The following PKNOX1 variants were observed in gnomAD, a reference collection of about 807,000 sequenced individuals.
PKNOX1 encodes PBX/knotted 1 homeobox 1, also known as homeobox protein PKNOX1.
Under a neutral mutation model 51.9 loss-of-function variants are expected in PKNOX1, and 15 were observed. The ratio of observed to expected loss-of-function variants is 0.29; its 90% CI spans 0.19 to 0.45. The LOEUF (loss-of-function observed/expected upper bound fraction) is 0.45, where lower values mean the gene tolerates loss of function less well. Among genes scored for constraint, PKNOX1 ranks in the 20% least tolerant of loss-of-function variants. The probability of loss-of-function intolerance (pLI) is 1.00; values close to 1 mark genes in which losing one functional copy is unlikely to be tolerated. For synonymous variants in PKNOX1, 219 were observed against 211.1 expected, an observed-to-expected ratio of 1.04 and a Z score of -0.32; for missense variants, 462 against 547.5, an observed-to-expected ratio of 0.84 and a Z score of 1.56.
Position 43,010,148 on chromosome 21 carries a change from A to G in PKNOX1, c.275A>G (p.Asp92Gly). The G allele has an allele frequency of 6.2e-7, 1 of 1,606,726 alleles. No individual in the cohort carries two copies. Among genetic ancestry groups the G allele is most frequent in the South Asian group, 1.1e-5 (1 of 89,578 alleles). The change falls in exon 4 of 11, where the codon GAC becomes GGC. Residue 92 changes from aspartate to glycine, a missense_variant. By Grantham distance (94) the Asp-to-Gly change is moderately conservative. Transcript: ENST00000291547. ...ACAACTTCTGCCAGTTTTGATGTAG[A>G]CATCGAAAATTTTGTAAGAAAGCAA... ...EGTTSASFDV[D>G]IENFVRKQEK...
intron 1 of PKNOX1, among the ~76,000 whole-genome samples, chr21:42,998,052 C>T (rs1378679219): frequency 6.6e-6 from 1 of 152,126 alleles, no homozygotes; most frequent in African/African-American, 2.4e-5. Context: ...TGTCCATTTT[C>T]ACACTGCTGA....
chr21:43,010,029 T>C (rs17178939), intron 3 of PKNOX1, 24 bp from the exon 4 acceptor site: 64,541 of 1,481,908 alleles, frequency 0.044, 1,627 homozygotes, highest in Middle Eastern at 0.08. Flanking sequence ...CGTAAATGGA[T>C]TCTTTTTTTT....
intron 1 of PKNOX1, among the ~76,000 whole-genome samples, chr21:42,974,898 C>T (rs921069608): frequency 5.4e-5 from 8 of 146,944 alleles, no homozygotes; most frequent in African/African-American, 2.0e-4. Context: ...CGCCTTCAGC[C>T]CAACCGGCGC....
chr21:43,012,496 G>T (rs967284182), intron 4 of PKNOX1, among the ~76,000 whole-genome samples: 9 of 152,378 alleles, frequency 5.9e-5, no homozygotes, highest in East Asian at 1.9e-4. Flanking sequence ...GAAGGCAGAG[G>T]TTGTAGTGAG....
chr21:43,016,872 T>C (rs200980657), intron 5 of PKNOX1, 36 bp from the exon 6 acceptor site: 88 of 1,382,766 alleles, frequency 6.4e-5, no homozygotes, highest in Non-Finnish European at 8.1e-5. Context: ...TTCCGTTTTC[T>C]AGTAATTCCT....
intron 1 of PKNOX1, among the ~76,000 whole-genome samples, chr21:42,991,259 G>A (rs1341569948): frequency 1.3e-5 from 2 of 151,826 alleles, no homozygotes; most frequent in Admixed American, 1.3e-4. Flanking sequence ...GGCCAAGGTG[G>A]GAGGATCGCT....
chr21:42,995,142 G>A (rs1231716793), intron 1 of PKNOX1, among the ~76,000 whole-genome samples: 3 of 151,718 alleles, frequency 2.0e-5, no homozygotes, highest in East Asian at 1.9e-4. Flanking sequence ...GGCTGGTCTC[G>A]AACTCCTGAC....
rs376109071 is a variant in PKNOX1 at position 43,028,883 on chromosome 21, G to A, written c.1099+9G>A. ...GCTCACCATGTCGGAAGGTACAGGT[G>A]GCCGGCCAAGGCCAGACATGGTGGA... On this transcript the variant is annotated intron_variant, in intron 10 of 10. Transcript: ENST00000291547. The A allele has an allele frequency of 1.9e-5, 31 of 1,613,920 alleles. No homozygotes were observed. Among genetic ancestry groups the A allele is most frequent in the Middle Eastern group, 3.3e-4 (2 of 6,062 alleles).
intron 8 of PKNOX1, among the ~76,000 whole-genome samples, chr21:43,023,047 C>T (rs1979831813): frequency 1.3e-5 from 2 of 152,026 alleles, no homozygotes; most frequent in Non-Finnish European, 2.9e-5. Flanking sequence ...GAAGACGCCG[C>T]GTTTTTTCCT....
At chr21:43,029,013 A>G in intron 10 of PKNOX1, 139 bp downstream of exon 10, 1 of 802,270 alleles carries the variant, frequency 1.2e-6, no homozygotes, top group Non-Finnish European at 2.1e-6. Flanking sequence ...CTCTGCAACT[A>G]AAACATGAGG....
In PKNOX1 at chr21:43,018,238, C is replaced by G; in HGVS notation, c.720+8C>G. ...AGGATCCAGAACTCCCAGGTGCGTG[C>G]GCCATTTTATGGAAGGCTTTGGGGG... On this transcript the variant is annotated splice_region_variant and intron_variant, in intron 7 of 10. Transcript: ENST00000291547. The G allele has an allele frequency of 6.2e-7, 1 of 1,600,886 alleles. No individual in the cohort carries two copies. The highest frequency in any genetic ancestry group is 1.1e-5 in the South Asian group (1 of 90,798).
chr21:43,024,836 C>G (rs771261316), intron 8 of PKNOX1, 35 bp from the exon 9 acceptor site: 1 of 1,345,394 alleles, frequency 7.4e-7, no homozygotes, highest in Non-Finnish European at 1.1e-6. Flanking sequence ...TTTGTAAACT[C>G]GAAGGCCATG....
rs560904774 is a variant in PKNOX1, at chr21:43,016,456, T to A, written c.523-452T>A. 1.1e-4 allele frequency among the ~76,000 whole-genome samples: 17 copies of A among 152,346 alleles called. No individual in the cohort carries two copies. The South Asian group carries it at 3.3e-3, about 30-fold the overall frequency. On this transcript the variant is annotated intron_variant, in intron 5 of 10. Coordinates refer to ENST00000291547, the MANE Select transcript of PKNOX1 (RefSeq NM_004571.5). ...ACTCCCCAGCACAGCTTGGAATACCTCAGCCCTGGTCACTTCTAGTGCCTC... is the reference window on the plus strand; with the variant it reads ...ACTCCCCAGCACAGCTTGGAATACCACAGCCCTGGTCACTTCTAGTGCCTC...
chr21:42,995,208 C>T (rs1278944254), intron 1 of PKNOX1, among the ~76,000 whole-genome samples: 2 of 152,106 alleles, frequency 1.3e-5, no homozygotes, highest in African/African-American at 4.8e-5. Context: ...AGGTGTGAAC[C>T]ACCACACCTG....
chr21:42,984,346 T>G (rs967563763), intron 1 of PKNOX1, among the ~76,000 whole-genome samples: 4 of 152,244 alleles, frequency 2.6e-5, no homozygotes, highest in Non-Finnish European at 5.9e-5. Flanking sequence ...TTTCTCGTTT[T>G]AAAAATTTAA....
intron 8 of PKNOX1, 71 bp from the exon 9 acceptor site, chr21:43,024,800 A>C (rs1470867883): frequency 1.0e-6 from 1 of 953,928 alleles, no homozygotes; most frequent in Non-Finnish European, 1.7e-6. Context: ...TAATGCTCAC[A>C]TTTTGCCTAA....
chr21:42,987,476 A>G (rs969395350), intron 1 of PKNOX1, among the ~76,000 whole-genome samples: 3 of 147,582 alleles, frequency 2.0e-5, no homozygotes, highest in African/African-American at 7.5e-5. Flanking sequence ...AGAGGAAAAG[A>G]AAGTCTAGTA....
Position 43,029,996 on chromosome 21 carries a change from G to A in PKNOX1, c.1206G>A (p.Gly402=). ...CGGTGCAGCAGGTCATGATGGCAGG[G>A]CAGAGCGAGGACGAGTCTGTGGACA... is the stretch of plus-strand genomic sequence containing the variant. ...TLAVQQVMMA[G]QSEDESVDST... The change falls in exon 11 of 11, where the codon GGG becomes GGA. Residue 402 remains glycine, a synonymous_variant. Coordinates refer to ENST00000291547, the MANE Select transcript of PKNOX1 (RefSeq NM_004571.5). The A allele has an allele frequency of 1.2e-6, 2 of 1,614,084 alleles. No individual in the cohort carries two copies. The highest frequency in any genetic ancestry group is 1.7e-6 in the Non-Finnish European group (2 of 1,180,032).
chr21:43,030,188 T>TA lies in PKNOX1; in HGVS notation c.*88dup, dbSNP rs1392077154. On this transcript the variant is annotated 3_prime_UTR_variant, in exon 11 of 11. Coordinates refer to ENST00000291547, the MANE Select transcript of PKNOX1 (RefSeq NM_004571.5). ...ATTTCTAATATGTTTTATATGTAGA[T>TA]ATAGAAGAGTGCACTTTTGTATTTC... 1 of 1,041,096 alleles carries TA rather than the reference T, an allele frequency of 9.6e-7. No homozygotes were observed. Among genetic ancestry groups the TA allele is most frequent in the Admixed American group, 2.9e-5 (1 of 33,986 alleles). The allele number at this position is 1,041,096 out of a possible 1,614,324, so 64.5% of individuals were successfully genotyped here.
Sources: gnomAD v4.1 joint callset for allele counts (sites outside exome capture counted in the v4.1 genomes callset) on GRCh38, gnomAD v4.1.1 for gene constraint, MANE v1.5 for transcripts, NCBI Gene and HGNC (gene_info 2026-07-23, HGNC 2026-07-21) for gene names.